Variants in TMEM132D observed in about 807,000 individuals in gnomAD.
TMEM132D encodes transmembrane protein 132D, also known as mature OL transmembrane protein.
In TMEM132D, 21 loss-of-function variants were observed where a neutral mutation model predicts 62.3. The observed-to-expected ratio is 0.34, with a 90% CI of 0.24 to 0.49. The LOEUF is 0.49. Ranked by LOEUF, TMEM132D falls within the 20% of genes least tolerant of loss-of-function variation. The pLI is 0.99. For missense variants in TMEM132D, 1,346 were observed against 1,402.8 expected, an observed-to-expected ratio of 0.96 and a Z score of 0.65; for synonymous variants, 621 against 575.6, an observed-to-expected ratio of 1.08 and a Z score of -1.13.
chr12:129,710,586 G>A (rs935486559), intron 1 of TMEM132D, among the ~76,000 whole-genome samples: 16 of 151,606 alleles, frequency 1.1e-4, no homozygotes, highest in Admixed American at 7.9e-4. Flanking sequence ...CATGAGCACC[G>A]TGCCCCGCCG....
At chr12:129,387,144 T>C (rs1871128095) in intron 3 of TMEM132D, among the ~76,000 whole-genome samples, 1 of 151,908 alleles carries the variant, frequency 6.6e-6, no homozygotes, top group Non-Finnish European at 1.5e-5. Context: ...ACACTAATAC[T>C]AACACCAACA....
At chr12:129,899,881 C>A (rs908214297) in intron 1 of TMEM132D, among the ~76,000 whole-genome samples, 1 of 152,140 alleles carries the variant, frequency 6.6e-6, no homozygotes, top group Non-Finnish European at 1.5e-5. Flanking sequence ...CTCTCTCCCC[C>A]ACTAACTGGC....
At chr12:129,648,481 T>C (rs576849095) in intron 2 of TMEM132D, among the ~76,000 whole-genome samples, 1 of 152,332 alleles carries the variant, frequency 6.6e-6, no homozygotes, top group East Asian at 1.9e-4. Flanking sequence ...ACTCTCCCTA[T>C]TGCAATTCCC....
intron 2 of TMEM132D, among the ~76,000 whole-genome samples, chr12:129,686,019 G>A (rs745460003): frequency 1.7e-4 from 26 of 152,252 alleles, no homozygotes; most frequent in South Asian, 8.3e-4. Flanking sequence ...TAACTAACTT[G>A]CTTTCGATTT....
At chr12:129,626,489 G>A (rs2062282) in intron 2 of TMEM132D, among the ~76,000 whole-genome samples, 40,032 of 150,984 alleles carry the variant, frequency 0.27, 5,643 homozygotes, top group Admixed American at 0.39. Context: ...ATGGAGTCTC[G>A]CTCTGTTGCC....
At chr12:129,466,491 C>T (rs1230134185) in intron 3 of TMEM132D, among the ~76,000 whole-genome samples, 1 of 151,784 alleles carries the variant, frequency 6.6e-6, no homozygotes, top group Non-Finnish European at 1.5e-5. Flanking sequence ...GGCAACTTTT[C>T]CTTTTTAAAT....
chr12:129,701,094 C>T (rs577120488), intron 1 of TMEM132D, among the ~76,000 whole-genome samples: 3 of 152,238 alleles, frequency 2.0e-5, no homozygotes, highest in East Asian at 1.9e-4. Flanking sequence ...CAGAGAGGCA[C>T]CGTCCCATTG....
At chr12:129,510,475 C>T (rs904425781) in intron 3 of TMEM132D, among the ~76,000 whole-genome samples, 7 of 152,112 alleles carry the variant, frequency 4.6e-5, no homozygotes, top group Non-Finnish European at 1.0e-4. Context: ...TTGATGTGAT[C>T]CTATCTGTCC....
chr12:129,349,057 T>C (rs1267367739), intron 3 of TMEM132D, among the ~76,000 whole-genome samples: 1 of 152,254 alleles, frequency 6.6e-6, no homozygotes, highest in Non-Finnish European at 1.5e-5. Flanking sequence ...TCCTTTAAGC[T>C]GCTCTTCAGG....
At chr12:129,714,668 A>C (rs1420496003) in intron 1 of TMEM132D, among the ~76,000 whole-genome samples, 1 of 152,236 alleles carries the variant, frequency 6.6e-6, no homozygotes, top group Non-Finnish European at 1.5e-5. Flanking sequence ...GCATACTAAA[A>C]CATCACACTG....
chr12:129,102,518 GCACACACACAA>G (rs1451610486), intron 5 of TMEM132D, among the ~76,000 whole-genome samples: 2 of 148,036 alleles, frequency 1.4e-5, no homozygotes, highest in Admixed American at 1.4e-4. Flanking sequence ...ACGCACACAC[GCACACACACAA>G]CACACACACA....
At chr12:129,240,543 G>A (rs969037185) in intron 4 of TMEM132D, among the ~76,000 whole-genome samples, 2 of 152,148 alleles carry the variant, frequency 1.3e-5, no homozygotes, top group African/African-American at 4.8e-5. Flanking sequence ...AGCATATAAA[G>A]GAAGAATGAA....
At chr12:129,283,736 G>A (rs1881221395) in intron 4 of TMEM132D, among the ~76,000 whole-genome samples, 1 of 152,182 alleles carries the variant, frequency 6.6e-6, no homozygotes, top group Admixed American at 6.5e-5. Context: ...CACAAGATGA[G>A]AATGTCCACT....
intron 1 of TMEM132D, among the ~76,000 whole-genome samples, chr12:129,801,024 G>A (rs553205693): frequency 1.2e-4 from 19 of 152,252 alleles, no homozygotes; most frequent in South Asian, 8.3e-4. Context: ...AAAAAATGGC[G>A]CACCAGGAGA....
At chr12:129,831,681 A>G (rs2137334528) in intron 1 of TMEM132D, among the ~76,000 whole-genome samples, 1 of 152,322 alleles carries the variant, frequency 6.6e-6, no homozygotes, top group East Asian at 1.9e-4. Flanking sequence ...AGTAGGAAAC[A>G]GAGCTGGATT....
chr12:129,869,262 C>T (rs1322634582), intron 1 of TMEM132D, among the ~76,000 whole-genome samples: 1 of 152,146 alleles, frequency 6.6e-6, no homozygotes, highest in Non-Finnish European at 1.5e-5. Flanking sequence ...AGCCACCAGA[C>T]ACCCAGTGAA....
At chr12:129,415,291 A>T (rs762007729) in intron 3 of TMEM132D, among the ~76,000 whole-genome samples, 2 of 152,172 alleles carry the variant, frequency 1.3e-5, no homozygotes, top group Non-Finnish European at 1.5e-5. Flanking sequence ...TCCCAGCACC[A>T]GTGTACAAGG....
intron 2 of TMEM132D, among the ~76,000 whole-genome samples, chr12:129,555,343 C>T (rs549300383): frequency 1.8e-4 from 27 of 152,252 alleles, no homozygotes; most frequent in South Asian, 8.3e-4. Context: ...GTACCTTTCA[C>T]GGAACAAGCC....
intron 1 of TMEM132D, among the ~76,000 whole-genome samples, chr12:129,874,441 T>A (rs1375836387): frequency 6.6e-6 from 1 of 151,954 alleles, no homozygotes; most frequent in Non-Finnish European, 1.5e-5. Flanking sequence ...ATAAATAAAT[T>A]ATTTTAAAAG....
Sources: gnomAD v4.1 joint callset for allele counts (sites outside exome capture counted in the v4.1 genomes callset) on GRCh38, gnomAD v4.1.1 for gene constraint, MANE v1.5 for transcripts, NCBI Gene and HGNC (gene_info 2026-07-23, HGNC 2026-07-21) for gene names.